The following ART3 variants were observed in gnomAD, a reference collection of about 807,000 sequenced individuals.
ART3 encodes the protein ADP-ribosyltransferase 3 (inactive).
ART3 carries 49 observed loss-of-function variants against 48.5 expected under a neutral mutation model. The observed-to-expected ratio is 1.01, with a 90% CI of 0.80 to 1.28. The LOEUF is 1.28. Among genes scored for constraint, ART3 ranks in the 50% most tolerant of loss-of-function variants. The pLI is 0.00. For synonymous variants in ART3, 145 were observed against 157.2 expected, an observed-to-expected ratio of 0.92 and a Z score of 0.58; for missense variants, 438 against 454.3, an observed-to-expected ratio of 0.96 and a Z score of 0.33.
At chr4:76,095,660 G>C (rs1009652684) in intron 3 of ART3, among the ~76,000 whole-genome samples, 1 of 152,184 alleles carries the variant, frequency 6.6e-6, no homozygotes, top group Non-Finnish European at 1.5e-5. Context: ...TAATAGTCCT[G>C]GCTATGGTCC....
intron 10 of ART3, among the ~76,000 whole-genome samples, chr4:76,105,064 A>G (rs1380855626): frequency 6.6e-6 from 1 of 152,206 alleles, no homozygotes. Context: ...GCTCAGAGAA[A>G]AGGGTCCAGG....
intron 1 of ART3, among the ~76,000 whole-genome samples, chr4:76,040,447 C>CACACGCACACACAT (rs1400625446): frequency 9.3e-6 from 1 of 107,216 alleles, no homozygotes; most frequent in African/African-American, 3.3e-5. Flanking sequence ...TACACACACA[C>CACACGCACACACAT]ACACACACAC....
At chr4:76,019,183 T>C (rs1732533152) in intron 1 of ART3, among the ~76,000 whole-genome samples, 1 of 151,548 alleles carries the variant, frequency 6.6e-6, no homozygotes, top group South Asian at 2.1e-4. Context: ...TAGAACTAAG[T>C]GTGTTTTTGT....
At chr4:76,066,133 G>C (rs1719713570) in intron 1 of ART3, among the ~76,000 whole-genome samples, 1 of 152,218 alleles carries the variant, frequency 6.6e-6, no homozygotes, top group Non-Finnish European at 1.5e-5. Context: ...AAACACCCTA[G>C]TAATTTTCAG....
At chr4:76,109,825 G>A (rs1016445400) in intron 11 of ART3, among the ~76,000 whole-genome samples, 6 of 152,172 alleles carry the variant, frequency 3.9e-5, no homozygotes, top group South Asian at 4.1e-4. Flanking sequence ...CCACTTCTCT[G>A]TGTGTATACA....
intron 1 of ART3, among the ~76,000 whole-genome samples, chr4:76,069,166 G>T (rs568611603): frequency 5.9e-5 from 9 of 152,168 alleles, no homozygotes; most frequent in Non-Finnish European, 1.2e-4. Flanking sequence ...GACTTCCAGA[G>T]CCTTGGGTGA....
At chr4:76,071,779 C>A (rs1377649240), upstream of ART3, among the ~76,000 whole-genome samples, 3 of 152,222 alleles carry the variant, frequency 2.0e-5, no homozygotes, top group Non-Finnish European at 4.4e-5. Flanking sequence ...CTCCATCCTT[C>A]CAGCTATTCA....
At chr4:76,041,327 T>A (rs1734953589) in intron 1 of ART3, 2 of 152,240 alleles carry the variant, frequency 1.3e-5, no homozygotes, top group East Asian at 1.9e-4. Context: ...CCCTATTTTT[T>A]ATATTTGTAT....
chr4:76,040,267 G>T (rs1025895747), intron 1 of ART3, among the ~76,000 whole-genome samples: 1 of 152,308 alleles, frequency 6.6e-6, no homozygotes, highest in Admixed American at 6.5e-5. Context: ...GGAAGTTGCA[G>T]CGAGCCAAGA....
At position 76,103,985 on chromosome 4, in the gene ART3, A is replaced by G. The variant is rs541745723; in HGVS notation, c.970+16A>G. ...CAAATACCTGGTAAGACAGCTTTCT[A>G]TTTACTCCCTGAGCCCAAGAATGAG... On this transcript the variant is annotated intron_variant, in intron 9 of 11. Coordinates refer to ENST00000355810, the MANE Select transcript of ART3 (RefSeq NM_001130016.3). The G allele has an allele frequency of 4.3e-6, 7 of 1,611,840 alleles. No homozygotes were observed. Among genetic ancestry groups the G allele is most frequent in the African/African-American group, 1.3e-5 (1 of 74,932 alleles).
chr4:76,072,429 A>G (rs1436805079), upstream of ART3, among the ~76,000 whole-genome samples: 1 of 152,142 alleles, frequency 6.6e-6, no homozygotes, highest in Non-Finnish European at 1.5e-5. Flanking sequence ...ATACACTCAG[A>G]CATCCACTTC....
chr4:76,108,492 T>A (rs1288293676), intron 11 of ART3, among the ~76,000 whole-genome samples: 1 of 152,100 alleles, frequency 6.6e-6, no homozygotes, highest in Non-Finnish European at 1.5e-5. Context: ...CAATTTTTCA[T>A]GGTCCAGAAC....
chr4:76,022,589 T>C, intron 1 of ART3: 1 of 1,484,632 alleles, frequency 6.7e-7, no homozygotes, highest in South Asian at 1.2e-5. Context: ...AGTTTTAGAA[T>C]CATCACAAAC....
At chr4:76,098,825 A>G (rs1357967453) in intron 4 of ART3, 130 bp from the exon 5 acceptor site, 1 of 719,582 alleles carries the variant, frequency 1.4e-6, no homozygotes, top group Non-Finnish European at 2.3e-6. Context: ...TGTTATAGTA[A>G]CTGTATTTTT....
intron 1 of ART3, among the ~76,000 whole-genome samples, chr4:76,051,602 T>C (rs28548768): frequency 0.59 from 88,994 of 151,890 alleles, 26,921 homozygotes; most frequent in East Asian, 0.94. Flanking sequence ...TGCAATGGCG[T>C]GATCTCGGCT....
At chr4:76,040,085 G>C (rs1446317568) in intron 1 of ART3, among the ~76,000 whole-genome samples, 2 of 152,156 alleles carry the variant, frequency 1.3e-5, no homozygotes, top group Non-Finnish European at 2.9e-5. Flanking sequence ...AGCAGTTTGG[G>C]AGACCGAGGC....
chr4:76,046,846 C>T (rs1004367770), intron 1 of ART3, among the ~76,000 whole-genome samples: 5 of 152,010 alleles, frequency 3.3e-5, no homozygotes, highest in Admixed American at 2.0e-4. Flanking sequence ...CAGGCTGTCC[C>T]AGGATTCCTC....
At chr4:76,051,574 C>T (rs28505472) in intron 1 of ART3, among the ~76,000 whole-genome samples, 89,008 of 151,920 alleles carry the variant, frequency 0.59, 26,919 homozygotes, top group East Asian at 0.94. Context: ...TAGACCTGCT[C>T]TATCGCCCAG....
intron 2 of ART3, among the ~76,000 whole-genome samples, chr4:76,078,791 G>T (rs1274482457): frequency 6.6e-6 from 1 of 152,080 alleles, no homozygotes; most frequent in Non-Finnish European, 1.5e-5. Flanking sequence ...TGGTTAAGAG[G>T]ACAAGACGGC....
Sources: gnomAD v4.1 joint callset for allele counts (sites outside exome capture counted in the v4.1 genomes callset) on GRCh38, gnomAD v4.1.1 for gene constraint, MANE v1.5 for transcripts, NCBI Gene and HGNC (gene_info 2026-07-23, HGNC 2026-07-21) for gene names.